The following PTPRM variants were observed in gnomAD, a reference collection of about 807,000 sequenced individuals.
PTPRM encodes the protein receptor-type tyrosine-protein phosphatase mu.
Under a neutral mutation model 186.7 loss-of-function variants are expected in PTPRM, and 47 were observed. That is an observed-to-expected ratio of 0.25 (90% confidence interval 0.20 to 0.32). The LOEUF is 0.32. PTPRM is among the 10% of genes least tolerant of loss of function. PTPRM has a pLI of 1.00. For synonymous variants in PTPRM, 668 were observed against 674.9 expected (o/e 0.99, Z 0.16); for missense variants, 1,494 against 1,865.0 (o/e 0.80, Z 3.66).
chr18:8,166,122 C>A (rs1260096495), intron 14 of PTPRM, among the ~76,000 whole-genome samples: 1 of 152,170 alleles, frequency 6.6e-6, no homozygotes, highest in Non-Finnish European at 1.5e-5. Flanking sequence ...TATTGATCCA[C>A]TGCAGAAATG....
intron 5 of PTPRM, among the ~76,000 whole-genome samples, chr18:7,935,821 A>G (rs1400648953): frequency 1.3e-5 from 2 of 151,750 alleles, no homozygotes; most frequent in Non-Finnish European, 2.9e-5. Context: ...CCTTCCTCCC[A>G]CCCTCCACCC....
intron 1 of PTPRM, among the ~76,000 whole-genome samples, chr18:7,704,522 G>A (rs1225733513): frequency 1.3e-5 from 2 of 151,866 alleles, no homozygotes; most frequent in Admixed American, 1.3e-4. Context: ...GGTGATATTC[G>A]CTTTATCATT....
chr18:8,269,218 A>C (rs947382877), intron 19 of PTPRM, among the ~76,000 whole-genome samples: 2 of 152,038 alleles, frequency 1.3e-5, no homozygotes, highest in Non-Finnish European at 2.9e-5. Flanking sequence ...GTAAAACAAA[A>C]TAAACATACA....
chr18:8,395,359 A>C (rs1185777547), intron 32 of PTPRM, among the ~76,000 whole-genome samples: 1 of 152,198 alleles, frequency 6.6e-6, no homozygotes, highest in Non-Finnish European at 1.5e-5. Context: ...GGTCCACAGC[A>C]TCACAACACT....
chr18:8,374,805 C>G (rs1598489397), intron 24 of PTPRM, among the ~76,000 whole-genome samples: 1 of 152,214 alleles, frequency 6.6e-6, no homozygotes, highest in Non-Finnish European at 1.5e-5. Context: ...AGTCTTATCT[C>G]GAAATCTGCA....
At chr18:8,290,955 C>G (rs745447676) in intron 19 of PTPRM, among the ~76,000 whole-genome samples, 35 of 152,082 alleles carry the variant, frequency 2.3e-4, no homozygotes, top group Non-Finnish European at 3.8e-4. Flanking sequence ...AAAATCTGCC[C>G]TAAACACTAA....
chr18:7,587,383 C>A (rs779540628), intron 1 of PTPRM, among the ~76,000 whole-genome samples: 27 of 150,744 alleles, frequency 1.8e-4, no homozygotes, highest in Non-Finnish European at 3.4e-4. Context: ...CTTTGAATTT[C>A]TTTTTCAAGT....
chr18:7,935,078 T>C (rs2051721478), intron 5 of PTPRM, among the ~76,000 whole-genome samples: 1 of 152,222 alleles, frequency 6.6e-6, no homozygotes, highest in Non-Finnish European at 1.5e-5. Context: ...AATTTTGTTA[T>C]TATGTATAAA....
chr18:7,984,500 TAATA>T (rs2082723112), intron 7 of PTPRM, among the ~76,000 whole-genome samples: 1 of 148,830 alleles, frequency 6.7e-6, no homozygotes, highest in Admixed American at 6.8e-5. Context: ...CCTTCGTGAT[TAATA>T]TTTTTTAATT....
At chr18:8,145,865 A>G (rs1173093987) in intron 14 of PTPRM, among the ~76,000 whole-genome samples, 1 of 152,204 alleles carries the variant, frequency 6.6e-6, no homozygotes, top group African/African-American at 2.4e-5. Context: ...GGATTGTTGG[A>G]TCAAATGGTA....
rs1186737786 is a variant in PTPRM, at chr18:8,058,775, C to A, written c.1133-10911C>A. Among the ~76,000 whole-genome samples the A allele has an allele frequency of 5.5e-5, 3 of 54,784 alleles. 1 individual carries two copies. Among genetic ancestry groups the A allele is most frequent in the Non-Finnish European group, 1.1e-4 (3 of 27,052 alleles). The allele number at this position is 54,784 out of a possible 152,430, so 35.9% of individuals were successfully genotyped here. A position where few individuals can be genotyped will look rare whatever the true frequency, so the allele number is the denominator to read the frequency against. ...AGATCAGATAGTTGTAGGTATGCAG[C>A]GTTATTTCTGAGGGCTCTGTTCTGT... On this transcript the variant is annotated intron_variant, in intron 7 of 32. Transcript: ENST00000580170.
At chr18:8,162,317 C>T (rs2093247108) in intron 14 of PTPRM, among the ~76,000 whole-genome samples, 1 of 152,096 alleles carries the variant, frequency 6.6e-6, no homozygotes, top group Non-Finnish European at 1.5e-5. Context: ...GCCAGGCTGG[C>T]CTTGAACTCC....
At chr18:8,339,289 T>C (rs896852578) in intron 22 of PTPRM, among the ~76,000 whole-genome samples, 3 of 152,048 alleles carry the variant, frequency 2.0e-5, no homozygotes, top group African/African-American at 7.2e-5. Context: ...GCCTGCCAGC[T>C]GGAGGAGACG....
chr18:8,263,328 C>T (rs540610128), intron 19 of PTPRM, among the ~76,000 whole-genome samples: 4 of 152,142 alleles, frequency 2.6e-5, no homozygotes, highest in African/African-American at 7.2e-5. Flanking sequence ...AGGCTGGTCT[C>T]GAACTCCTGA....
intron 2 of PTPRM, chr18:7,814,333 C>T (rs1361756604): frequency 6.6e-6 from 1 of 152,118 alleles, no homozygotes; most frequent in Non-Finnish European, 1.5e-5. Flanking sequence ...AAATAAGTAC[C>T]ACGGTAAAAT....
intron 1 of PTPRM, among the ~76,000 whole-genome samples, chr18:7,597,388 C>A (rs149006083): frequency 6.6e-6 from 1 of 152,104 alleles, no homozygotes; most frequent in Non-Finnish European, 1.5e-5. Context: ...CGTTTCTTTA[C>A]CTTTCGGATC....
intron 7 of PTPRM, among the ~76,000 whole-genome samples, chr18:8,030,833 C>A (rs2085916728): frequency 6.6e-6 from 1 of 152,090 alleles, no homozygotes. Context: ...TTGAAAGATT[C>A]TTTATATATG....
chr18:7,620,223 G>A lies in PTPRM; in HGVS notation c.73+52332G>A, dbSNP rs774370321. 3.2e-4 allele frequency among the ~76,000 whole-genome samples: 48 copies of A among 152,174 alleles called. 1 individual carries two copies. Among genetic ancestry groups the A allele is most frequent in the Admixed American group, 1.3e-4 (2 of 15,270 alleles). ...TGCTACACAGGAACCACTGTACCAG[G>A]CATTGGCCTTTCTCCTTTGTTTCTT... On this transcript the variant is annotated intron_variant, in intron 1 of 32. Coordinates refer to ENST00000580170, the MANE Select transcript of PTPRM (RefSeq NM_001105244.2).
chr18:7,681,085 C>T (rs2039469820), intron 1 of PTPRM, among the ~76,000 whole-genome samples: 1 of 152,206 alleles, frequency 6.6e-6, no homozygotes, highest in East Asian at 1.9e-4. Flanking sequence ...AATTTAGAAA[C>T]CCTTAACTTT....
Sources: gnomAD v4.1 joint callset for allele counts (sites outside exome capture counted in the v4.1 genomes callset) on GRCh38, gnomAD v4.1.1 for gene constraint, MANE v1.5 for transcripts, NCBI Gene and HGNC (gene_info 2026-07-23, HGNC 2026-07-21) for gene names.